Variants in SLC6A12 observed in about 807,000 individuals in gnomAD.
SLC6A12 encodes solute carrier family 6 member 12, also known as sodium- and chloride-dependent betaine transporter.
SLC6A12 carries 50 observed loss-of-function variants against 73.3 expected under a neutral mutation model. The observed-to-expected ratio is 0.68, with a 90% confidence interval of 0.54 to 0.86. SLC6A12 has a LOEUF of 0.86. SLC6A12 is among the 40% of genes least tolerant of loss of function. The pLI, the probability that SLC6A12 is intolerant of heterozygous loss-of-function variation, is 0.00. For missense variants in SLC6A12, 648 were observed against 772.8 expected, an observed-to-expected ratio of 0.84 and a Z score of 1.92; for synonymous variants, 304 against 309.2, an observed-to-expected ratio of 0.98 and a Z score of 0.18.
chr12:198,594 GAA>G lies in SLC6A12; in HGVS notation c.846+201_846+202del. ...AAGTAAGAGAAAAAAAATTTTTTAA[GAA>G]AAAAAGTTATATTTGAGTGGTGGAA... On this transcript the variant is annotated intron_variant, in intron 8 of 15. Transcript: ENST00000684302. This position sits in a 1 kb window ranked among gnomAD's most constrained non-coding sequence, Gnocchi z 4.0. 10 of 536,446 alleles carry G rather than the reference GAA, an allele frequency of 1.9e-5. No homozygotes were observed. The South Asian group carries it at 2.8e-4, about 15-fold the overall frequency. 33.2% of individuals were successfully genotyped at this position (536,446 alleles called of 1,614,324 possible).
intron 2 of SLC6A12, chr12:210,517 T>G (rs1940859474): frequency 2.2e-6 from 1 of 449,284 alleles, no homozygotes; most frequent in South Asian, 8.2e-5. Flanking sequence ...AGCTGTGTGC[T>G]AAGGTGATCG....
intron 7 of SLC6A12, among the ~76,000 whole-genome samples, chr12:200,072 G>A (rs1029011597): frequency 6.7e-5 from 10 of 150,060 alleles, no homozygotes; most frequent in Admixed American, 3.3e-4. Context: ...CTCCAACAAT[G>A]AGATTTTTCT....
chr12:207,492 C>G (rs576814359), intron 3 of SLC6A12, among the ~76,000 whole-genome samples: 60 of 152,306 alleles, frequency 3.9e-4, no homozygotes, highest in Non-Finnish European at 7.2e-4. Context: ...TTTTATTACT[C>G]TTTTTTGTTT....
chr12:196,093 C>T lies in SLC6A12; in HGVS notation c.1326+31G>A, dbSNP rs925753818. The T allele has an allele frequency of 7.7e-6, 12 of 1,548,770 alleles. No homozygotes were observed. The East Asian group carries it at 1.5e-4, about 19-fold the overall frequency. The stretch of plus-strand genomic sequence containing the variant: ...TCCCCCGTGGCTCCCTCCCCTGGAG[C>T]CTGGCCTGCAGGCCGGCGGCCGCAG... On this transcript the variant is annotated intron_variant, in intron 12 of 15. Coordinates refer to ENST00000684302, the MANE Select transcript of SLC6A12 (RefSeq NM_001122848.3).
Position 201,748 on chromosome 12 carries a change from G to C in SLC6A12, c.578+14C>G, listed in dbSNP as rs1429210808. On this transcript the variant is annotated intron_variant, in intron 6 of 15. Coordinates refer to ENST00000684302, the MANE Select transcript of SLC6A12 (RefSeq NM_001122848.3). Reference sequence around the variant, plus strand: ...ATTTCCTCTTCATATGTGGCAAATGGGCCCAGCACCTACTCCCAGAATTCC... The same window carrying C: ...ATTTCCTCTTCATATGTGGCAAATGCGCCCAGCACCTACTCCCAGAATTCC... 1 of 1,606,248 alleles carries C rather than the reference G, an allele frequency of 6.2e-7. No individual in the cohort carries two copies. The highest frequency in any genetic ancestry group is 1.3e-5 in the African/African-American group (1 of 74,828).
chr12:208,656 G>A (rs140175093), intron 3 of SLC6A12, among the ~76,000 whole-genome samples: 220 of 152,272 alleles, frequency 1.4e-3, no homozygotes, highest in Middle Eastern at 6.8e-3. Context: ...GGGATCCATC[G>A]AGATGGGCAG....
chr12:206,964 C>T (rs1940680400), intron 3 of SLC6A12, among the ~76,000 whole-genome samples: 1 of 152,234 alleles, frequency 6.6e-6, no homozygotes. Flanking sequence ...GATTTCCGCC[C>T]CACAGAAGAC....
intron 3 of SLC6A12, 71 bp from the exon 4 acceptor site, chr12:204,769 C>G: frequency 6.4e-7 from 1 of 1,559,794 alleles, no homozygotes; most frequent in Non-Finnish European, 8.7e-7. Flanking sequence ...TTCAGACCCT[C>G]CTCCCCCAAC....
At chr12:206,972 G>C (rs143529468) in intron 3 of SLC6A12, among the ~76,000 whole-genome samples, 1 of 152,386 alleles carries the variant, frequency 6.6e-6, no homozygotes, top group Non-Finnish European at 1.5e-5. Context: ...CCCCACAGAA[G>C]ACGGGGTGAC....
At position 201,812 on chromosome 12, in the gene SLC6A12, G is replaced by C; in HGVS notation, c.528C>G (p.Gly176=). ...CTDFLNHSGA[G]TVTPFENFTS... ...TAAAATTCTCAAATGGGGTCACTGTGCCGGCTCCTGAGTGGTTCAGAAAGT... is the reference window on the plus strand; with the variant it reads ...TAAAATTCTCAAATGGGGTCACTGTCCCGGCTCCTGAGTGGTTCAGAAAGT... The change falls in exon 6 of 16, where the codon GGC becomes GGG. Residue 176 remains glycine, a synonymous_variant. Transcript: ENST00000684302. The C allele has an allele frequency of 6.2e-7, 1 of 1,614,124 alleles. No individual in the cohort carries two copies. The highest frequency in any genetic ancestry group is 8.5e-7 in the Non-Finnish European group (1 of 1,179,986).
At chr12:192,312 C>T (rs1464528306) in intron 15 of SLC6A12, among the ~76,000 whole-genome samples, 166 bp downstream of exon 15, 1 of 152,158 alleles carries the variant, frequency 6.6e-6, no homozygotes, top group Non-Finnish European at 1.5e-5. Flanking sequence ...TGAAAAGCCA[C>T]TGGACTGGTC....
intron 2 of SLC6A12, chr12:210,362 G>A (rs549546281): frequency 5.4e-6 from 6 of 1,113,574 alleles, no homozygotes; most frequent in African/African-American, 1.6e-5. Flanking sequence ...CATCCCAGCC[G>A]GCCCATCTGC....
At chr12:189,245 G>T (rs1939501645), downstream of SLC6A12, among the ~76,000 whole-genome samples, 1 of 152,110 alleles carries the variant, frequency 6.6e-6, no homozygotes, top group Admixed American at 6.5e-5. Context: ...GGGCGGCGGG[G>T]ACGCGGCGCT....
chr12:188,899 T>C (rs961922744), downstream of SLC6A12, among the ~76,000 whole-genome samples: 2 of 152,000 alleles, frequency 1.3e-5, no homozygotes, highest in East Asian at 3.9e-4. Context: ...CCAGATCCCT[T>C]TGGACTCATC....
intron 7 of SLC6A12, among the ~76,000 whole-genome samples, chr12:200,187 C>T (rs962174565): frequency 4.1e-5 from 6 of 145,616 alleles, no homozygotes; most frequent in Non-Finnish European, 7.4e-5. Flanking sequence ...CGGCTCACTG[C>T]AAGCTCCGCC....
downstream of SLC6A12, among the ~76,000 whole-genome samples, chr12:186,101 G>A (rs775461627): frequency 4.2e-4 from 61 of 145,726 alleles, no homozygotes; most frequent in Non-Finnish European, 6.3e-4. Flanking sequence ...AGGAGGTGAG[G>A]CTGTGGCAGA....
chr12:204,425 A>T, intron 4 of SLC6A12, 139 bp downstream of exon 4: 1 of 859,482 alleles, frequency 1.2e-6, no homozygotes, highest in Non-Finnish European at 1.9e-6. Context: ...CCCACCCATG[A>T]AGCCTGATTC....
At chr12:204,794 C>G in intron 3 of SLC6A12, 96 bp from the exon 4 acceptor site, 1 of 1,389,000 alleles carries the variant, frequency 7.2e-7, no homozygotes, top group Non-Finnish European at 9.9e-7. Flanking sequence ...CCGCCCTCCA[C>G]CATCCTGTTC....
In SLC6A12 at chr12:198,873, C is replaced by T. The variant is rs1345836048; in HGVS notation, c.770G>A (p.Gly257Asp). The T allele has an allele frequency of 3.1e-6, 5 of 1,614,038 alleles. No individual in the cohort carries two copies. The highest frequency in any genetic ancestry group is 2.2e-5 in the South Asian group (2 of 91,090). The change falls in exon 8 of 16, where the codon GGT (glycine) becomes GAT (aspartate). Residue 257 changes from glycine (G) to aspartate (D), a missense_variant. By Grantham distance (94) the Gly-to-Asp change is moderately conservative. Transcript: ENST00000684302. This position sits in a 1 kb window ranked among gnomAD's most constrained non-coding sequence, Gnocchi z 4.0. Reference sequence around the variant, plus strand: ...CTGGTAGGCTCCGGGAAGGGTGACACCTCTGATCAGCAAAATGACAAGCAT... The same window carrying T: ...CTGGTAGGCTCCGGGAAGGGTGACATCTCTGATCAGCAAAATGACAAGCAT... Reference protein sequence around the residue: ...YLMLVILLIRGVTLPGAYQGI... With the variant: ...YLMLVILLIRDVTLPGAYQGI...
Sources: gnomAD v4.1 joint callset for allele counts (sites outside exome capture counted in the v4.1 genomes callset) on GRCh38, gnomAD v4.1.1 for gene constraint, Gnocchi (gnomAD v3.1) non-coding constraint, MANE v1.5 for transcripts, NCBI Gene and HGNC (gene_info 2026-07-23, HGNC 2026-07-21) for gene names.